The following DOP1B variants were observed in gnomAD, a reference collection of about 807,000 sequenced individuals.
DOP1B encodes DOP1 leucine zipper like protein B, also known as protein DOP1B.
DOP1B carries 174 observed loss-of-function variants against 233.5 expected under a neutral mutation model. The ratio of observed to expected loss-of-function variants is 0.75; its 90% CI spans 0.66 to 0.85. The LOEUF is 0.85. Among genes scored for constraint, DOP1B ranks in the 40% least tolerant of loss-of-function variants. DOP1B has a pLI of 0.00. For missense variants in DOP1B, 2,652 were observed against 2,846.6 expected, an observed-to-expected ratio of 0.93 and a Z score of 1.56; for synonymous variants, 1,190 against 1,185.6, an observed-to-expected ratio of 1.00 and a Z score of -0.08.
chr21:36,162,991 C>T (rs1357907413), intron 1 of DOP1B, among the ~76,000 whole-genome samples: 2 of 152,076 alleles, frequency 1.3e-5, no homozygotes, highest in African/African-American at 4.8e-5. Context: ...TGGTCTGCCG[C>T]AGAGTGCTAC....
intron 22 of DOP1B, among the ~76,000 whole-genome samples, chr21:36,253,116 T>C (rs546974905): frequency 1.3e-5 from 2 of 152,324 alleles, no homozygotes; most frequent in Admixed American, 6.5e-5. Flanking sequence ...CAAATGCCCA[T>C]GACCAGGGTA....
intron 30 of DOP1B, among the ~76,000 whole-genome samples, chr21:36,278,741 C>T (rs576124207): frequency 4.6e-5 from 7 of 152,148 alleles, no homozygotes; most frequent in Non-Finnish European, 1.0e-4. Flanking sequence ...TGGCAGCGCA[C>T]ACCTGTAGTT....
chr21:36,191,205 C>T (rs1473103464), intron 2 of DOP1B, among the ~76,000 whole-genome samples: 18 of 149,532 alleles, frequency 1.2e-4, no homozygotes, highest in Non-Finnish European at 1.6e-4. Context: ...AGGGTGAAGA[C>T]GCTGTCAGAG....
At chr21:36,160,360 C>T (rs995514452) in intron 1 of DOP1B, among the ~76,000 whole-genome samples, 1 of 151,830 alleles carries the variant, frequency 6.6e-6, no homozygotes, top group East Asian at 1.9e-4. Flanking sequence ...CAGAGAGGCA[C>T]GCATATGCAG....
At chr21:36,231,834 C>T (rs1325562383) in intron 14 of DOP1B, among the ~76,000 whole-genome samples, 9 of 146,606 alleles carry the variant, frequency 6.1e-5, no homozygotes, top group East Asian at 2.0e-4. Flanking sequence ...CGTGCCACTA[C>T]GCCCAGCTAA....
intron 2 of DOP1B, among the ~76,000 whole-genome samples, chr21:36,192,910 T>C (rs539242037): frequency 2.2e-4 from 34 of 151,942 alleles, no homozygotes; most frequent in African/African-American, 6.3e-4. Context: ...AGGATGGTCT[T>C]GATCTCCTGA....
chr21:36,235,870 G>GGT (rs992642406), intron 15 of DOP1B, among the ~76,000 whole-genome samples: 9 of 147,274 alleles, frequency 6.1e-5, no homozygotes, highest in Admixed American at 4.1e-4. Context: ...AGTCGGGGGG[G>GGT]GGGCGGTCTA....
At position 36,230,864 on chromosome 21, in the gene DOP1B, C is replaced by A; in HGVS notation, c.2080C>A (p.Gln694Lys). ...GCCCATCACTGTGCCTCAGTTCAAGCAGATGCTGTCAGACTTGTTCACAGC... is the reference window on the plus strand; with the variant it reads ...GCCCATCACTGTGCCTCAGTTCAAGAAGATGCTGTCAGACTTGTTCACAGC... ...PKPITVPQFK[Q>K]MLSDLFTARG... The change falls in exon 14 of 37, where the codon CAG becomes AAG. Residue 694 changes from glutamine to lysine, a missense_variant. Gln to Lys is a moderately conservative substitution (Grantham distance 53). Transcript: ENST00000691173. 6.2e-7 allele frequency: 1 copy of A among 1,614,106 alleles called. No homozygotes were observed. The highest frequency in any genetic ancestry group is 8.5e-7 in the Non-Finnish European group (1 of 1,179,986).
At chr21:36,211,005 G>A (rs1209285188) in intron 5 of DOP1B, among the ~76,000 whole-genome samples, 1 of 152,128 alleles carries the variant, frequency 6.6e-6, no homozygotes, top group Non-Finnish European at 1.5e-5. Flanking sequence ...TGTCCCCCTG[G>A]CTGTGCATTC....
chr21:36,275,247 C>T (rs1323448639), intron 27 of DOP1B, among the ~76,000 whole-genome samples: 1 of 152,170 alleles, frequency 6.6e-6, no homozygotes, highest in Non-Finnish European at 1.5e-5. Flanking sequence ...GGATAATTAG[C>T]AGAGTCCTTG....
At chr21:36,269,601 G>T (rs910886134) in intron 26 of DOP1B, among the ~76,000 whole-genome samples, 19 of 152,094 alleles carry the variant, frequency 1.2e-4, no homozygotes, top group Non-Finnish European at 2.4e-4. Context: ...GCTCACTGCA[G>T]CTTCCACTTC....
At chr21:36,283,024 T>G (rs934822036) in intron 32 of DOP1B, among the ~76,000 whole-genome samples, 24 of 135,268 alleles carry the variant, frequency 1.8e-4, no homozygotes, top group African/African-American at 6.0e-4. Flanking sequence ...ATTGTCAGGG[T>G]TTTTTTTTTT....
chr21:36,273,045 T>C (rs1043437666), intron 27 of DOP1B, among the ~76,000 whole-genome samples: 2 of 142,524 alleles, frequency 1.4e-5, no homozygotes, highest in African/African-American at 2.7e-5. Flanking sequence ...GAGGTTGCAG[T>C]GAGTCGAGAT....
At chr21:36,250,019 A>T (rs1456517610) in intron 21 of DOP1B, among the ~76,000 whole-genome samples, 1 of 152,094 alleles carries the variant, frequency 6.6e-6, no homozygotes, top group Non-Finnish European at 1.5e-5. Context: ...CTGAGCCTCC[A>T]TTTCCTCGTC....
chr21:36,266,741 C>A (rs2067234581), intron 26 of DOP1B, among the ~76,000 whole-genome samples: 1 of 152,196 alleles, frequency 6.6e-6, no homozygotes, highest in Non-Finnish European at 1.5e-5. Context: ...GGTTGGGGAG[C>A]TGAAGTTCTC....
chr21:36,167,684 C>T (rs1043905418), intron 2 of DOP1B, among the ~76,000 whole-genome samples: 2 of 152,042 alleles, frequency 1.3e-5, no homozygotes, highest in African/African-American at 4.8e-5. Flanking sequence ...AAACCCGTAC[C>T]CATTCAGCAG....
intron 23 of DOP1B, among the ~76,000 whole-genome samples, chr21:36,256,640 G>A (rs906057750): frequency 3.3e-5 from 5 of 152,022 alleles, no homozygotes; most frequent in African/African-American, 1.2e-4. Context: ...AGCCTCGAGA[G>A]GAATGAAATT....
intron 18 of DOP1B, among the ~76,000 whole-genome samples, chr21:36,242,985 T>C (rs1181027974): frequency 1.3e-5 from 2 of 150,052 alleles, no homozygotes; most frequent in Non-Finnish European, 3.0e-5. Context: ...TCTTTTCTTT[T>C]TTTTTTTTTT....
chr21:36,255,452 CTT>C (rs539544460), intron 23 of DOP1B, among the ~76,000 whole-genome samples: 1 of 136,968 alleles, frequency 7.3e-6, no homozygotes. Flanking sequence ...TTTTTTAAAA[CTT>C]TTTTTTTTTT....
Sources: allele counts gnomAD v4.1 joint callset (sites outside exome capture counted in the v4.1 genomes callset), GRCh38; gene constraint gnomAD v4.1.1; transcripts MANE v1.5; gene names NCBI Gene and HGNC (gene_info 2026-07-23, HGNC 2026-07-21).